CNTN4: variants seen among roughly 807,000 people sequenced by gnomAD.
The protein encoded by CNTN4 is contactin-4.
In CNTN4, 77 loss-of-function variants were observed where a neutral mutation model predicts 122.5. The ratio of observed to expected loss-of-function variants is 0.63; its 90% CI spans 0.52 to 0.76. CNTN4 has a LOEUF of 0.76. Ranked by LOEUF, CNTN4 falls within the 30% of genes least tolerant of loss-of-function variation. The pLI is 0.00. For missense variants in CNTN4, 1,256 were observed against 1,259.1 expected (o/e 1.00, Z 0.04); for synonymous variants, 512 against 447.0 (o/e 1.15, Z -1.83).
At chr3:2,819,026 A>G (rs1342460071) in intron 6 of CNTN4, among the ~76,000 whole-genome samples, 1 of 152,200 alleles carries the variant, frequency 6.6e-6, no homozygotes, top group South Asian at 2.1e-4. Flanking sequence ...GCATTCTGAT[A>G]ATGATATTTA....
intron 8 of CNTN4, among the ~76,000 whole-genome samples, chr3:2,868,642 C>T (rs1425509051): frequency 6.6e-6 from 1 of 152,104 alleles, no homozygotes; most frequent in Non-Finnish European, 1.5e-5. Flanking sequence ...AGATTTTAAC[C>T]ATTCATTTAT....
chr3:2,429,738 G>T (rs1332973340), intron 3 of CNTN4, among the ~76,000 whole-genome samples: 1 of 152,184 alleles, frequency 6.6e-6, no homozygotes, highest in Non-Finnish European at 1.5e-5. Flanking sequence ...CACCCAGTTT[G>T]AGCTTCCTTG....
chr3:3,010,328 G>A (rs1697099014), intron 14 of CNTN4, among the ~76,000 whole-genome samples: 1 of 151,930 alleles, frequency 6.6e-6, no homozygotes, highest in Non-Finnish European at 1.5e-5. Flanking sequence ...TATAGAGTAA[G>A]TCAGACTGTT....
chr3:2,640,627 G>T (rs1340593759), intron 4 of CNTN4, among the ~76,000 whole-genome samples: 1 of 109,878 alleles, frequency 9.1e-6, no homozygotes, highest in Non-Finnish European at 1.8e-5. Flanking sequence ...TTAATATCTA[G>T]TGAGTGTGTG....
chr3:2,678,440 A>G (rs1368673060), intron 4 of CNTN4, among the ~76,000 whole-genome samples: 1 of 152,130 alleles, frequency 6.6e-6, no homozygotes, highest in African/African-American at 2.4e-5. Flanking sequence ...ATAACAGCCA[A>G]ACTCATTATT....
At chr3:2,552,431 G>A (rs2078547674) in intron 3 of CNTN4, among the ~76,000 whole-genome samples, 1 of 152,092 alleles carries the variant, frequency 6.6e-6, no homozygotes, top group Non-Finnish European at 1.5e-5. Context: ...GGGAATATAG[G>A]TTTGGTACCT....
intron 2 of CNTN4, among the ~76,000 whole-genome samples, chr3:2,270,375 G>A (rs1382737074): frequency 6.6e-6 from 1 of 152,112 alleles, no homozygotes. Context: ...ACTAAGCCTA[G>A]TACCTGATAG....
At chr3:2,530,488 TA>T (rs1397514413) in intron 3 of CNTN4, among the ~76,000 whole-genome samples, 1 of 151,978 alleles carries the variant, frequency 6.6e-6, no homozygotes, top group African/African-American at 2.4e-5. Context: ...TTTGTATTTT[TA>T]GTAGAGACAG....
chr3:2,328,157 G>A (rs1461583693), intron 2 of CNTN4, among the ~76,000 whole-genome samples: 1 of 152,188 alleles, frequency 6.6e-6, no homozygotes, highest in Non-Finnish European at 1.5e-5. Context: ...GGTAATCCCA[G>A]CACTTTGGGA....
intron 2 of CNTN4, among the ~76,000 whole-genome samples, chr3:2,200,064 A>G (rs566651725): frequency 6.6e-6 from 1 of 152,160 alleles, no homozygotes; most frequent in African/African-American, 2.4e-5. Flanking sequence ...GTTATGATTT[A>G]GTTTATTTTA....
intron 3 of CNTN4, among the ~76,000 whole-genome samples, chr3:2,373,554 C>T (rs1346332744): frequency 1.3e-5 from 2 of 152,198 alleles, no homozygotes; most frequent in Non-Finnish European, 1.5e-5. Flanking sequence ...TTTTTGTCTA[C>T]TCTTCACCCC....
intron 7 of CNTN4, among the ~76,000 whole-genome samples, chr3:2,840,160 T>C (rs2093322672): frequency 1.3e-5 from 2 of 152,134 alleles, no homozygotes; most frequent in African/African-American, 4.8e-5. Flanking sequence ...CAGATTCAGC[T>C]TACCAATCCG....
chr3:2,835,031 A>G (rs1032873703), intron 7 of CNTN4, among the ~76,000 whole-genome samples: 1 of 146,784 alleles, frequency 6.8e-6, no homozygotes, highest in Non-Finnish European at 1.5e-5. Context: ...CAGCCTTCCC[A>G]GTAGCTGGGA....
At chr3:2,985,864 A>C (rs1332887164) in intron 13 of CNTN4, among the ~76,000 whole-genome samples, 1 of 151,520 alleles carries the variant, frequency 6.6e-6, no homozygotes, top group Non-Finnish European at 1.5e-5. Flanking sequence ...TATTAAAATG[A>C]TGTTGTCCAA....
chr3:2,759,031 T>G (rs1228061741), intron 6 of CNTN4, among the ~76,000 whole-genome samples: 7 of 152,220 alleles, frequency 4.6e-5, no homozygotes, highest in Non-Finnish European at 1.0e-4. Flanking sequence ...ATCTACTGTC[T>G]CTGTGGATTT....
intron 2 of CNTN4, among the ~76,000 whole-genome samples, chr3:2,207,627 C>T (rs2038419215): frequency 6.6e-6 from 1 of 152,046 alleles, no homozygotes; most frequent in Non-Finnish European, 1.5e-5. Context: ...CAAAAAGAAA[C>T]ATTTGAAGCT....
intron 2 of CNTN4, among the ~76,000 whole-genome samples, chr3:2,141,222 G>A (rs2034978354): frequency 6.6e-6 from 1 of 152,090 alleles, no homozygotes; most frequent in Non-Finnish European, 1.5e-5. Context: ...TACCTCACAT[G>A]GCAAAAGGGA....
intron 2 of CNTN4, among the ~76,000 whole-genome samples, chr3:2,251,069 G>A (rs1023937019): frequency 6.6e-6 from 1 of 151,734 alleles, no homozygotes; most frequent in Non-Finnish European, 1.5e-5. Context: ...AGAATATCCT[G>A]CTTTTTACTA....
chr3:2,811,858 G>T (rs771775872), intron 6 of CNTN4, among the ~76,000 whole-genome samples: 2 of 152,000 alleles, frequency 1.3e-5, no homozygotes, highest in South Asian at 4.2e-4. Context: ...TAGAGACAGG[G>T]TTTCCCCGTG....
Sources: gnomAD v4.1 joint callset for allele counts (sites outside exome capture counted in the v4.1 genomes callset) on GRCh38, gnomAD v4.1.1 for gene constraint, MANE v1.5 for transcripts, NCBI Gene and HGNC (gene_info 2026-07-23, HGNC 2026-07-21) for gene names.